TENM2: variants seen among roughly 807,000 people sequenced by gnomAD.
TENM2 encodes teneurin transmembrane protein 2, also known as teneurin-2.
TENM2 carries 52 observed loss-of-function variants against 245.2 expected under a neutral mutation model. The observed-to-expected ratio is 0.21, with a 90% CI of 0.17 to 0.27. TENM2 has a LOEUF of 0.27. TENM2 is among the 10% of genes least tolerant of loss of function. The pLI is 1.00. For synonymous variants in TENM2, 1,363 were observed against 1,438.9 expected, an observed-to-expected ratio of 0.95 and a Z score of 1.19; for missense variants, 3,046 against 3,666.8, an observed-to-expected ratio of 0.83 and a Z score of 4.37.
intron 1 of TENM2, among the ~76,000 whole-genome samples, chr5:167,344,309 C>CATATATAT (rs1298761207): frequency 3.2e-3 from 272 of 84,512 alleles, no homozygotes; most frequent in Non-Finnish European, 5.9e-3. Context: ...CACACACACA[C>CATATATAT]ATATATATAT....
chr5:167,193,789 TG>T, the TENM2 span, among the ~76,000 whole-genome samples: 3 of 152,034 alleles, frequency 2.0e-5, no homozygotes, highest in African/African-American at 7.2e-5. Flanking sequence ...TACCATTTAT[TG>T]AGTGCTTACT....
the TENM2 span, among the ~76,000 whole-genome samples, chr5:167,275,719 C>G: frequency 6.6e-6 from 1 of 152,112 alleles, no homozygotes; most frequent in Non-Finnish European, 1.5e-5. Context: ...CCTATGACTT[C>G]GAGGAACTTG....
At chr5:167,170,022 C>T in the TENM2 span, among the ~76,000 whole-genome samples, 1 of 152,192 alleles carries the variant, frequency 6.6e-6, no homozygotes, top group Non-Finnish European at 1.5e-5. Flanking sequence ...CTGATACCTC[C>T]TTCAGTACCT....
the TENM2 span, among the ~76,000 whole-genome samples, chr5:167,077,832 A>T: frequency 6.6e-6 from 1 of 152,150 alleles, no homozygotes; most frequent in African/African-American, 2.4e-5. Context: ...CTGAGCGGGA[A>T]TCTCTTTGAA....
At chr5:167,558,881 G>GAA (rs112300996) in intron 2 of TENM2, among the ~76,000 whole-genome samples, 6 of 128,276 alleles carry the variant, frequency 4.7e-5, no homozygotes, top group Non-Finnish European at 6.7e-5. Flanking sequence ...TGGTCCAAGG[G>GAA]AAAAAAAAAA....
At chr5:167,406,331 T>C (rs181231213) in intron 2 of TENM2, among the ~76,000 whole-genome samples, 2 of 152,314 alleles carry the variant, frequency 1.3e-5, no homozygotes, top group Admixed American at 1.3e-4. Flanking sequence ...GGAAATTGTA[T>C]TATTCTCCAC....
chr5:167,574,234 A>G (rs1774485159), intron 2 of TENM2, among the ~76,000 whole-genome samples: 1 of 152,350 alleles, frequency 6.6e-6, no homozygotes, highest in East Asian at 1.9e-4. Flanking sequence ...ATGCATTTAT[A>G]CTGAATGATT....
chr5:167,006,196 T>C, the TENM2 span, among the ~76,000 whole-genome samples: 4 of 152,122 alleles, frequency 2.6e-5, no homozygotes, highest in African/African-American at 9.7e-5. Flanking sequence ...ACCAGATATA[T>C]ACACTTAATG....
intron 7 of TENM2, among the ~76,000 whole-genome samples, chr5:168,087,113 C>A (rs1161598109): frequency 6.6e-6 from 1 of 152,176 alleles, no homozygotes; most frequent in African/African-American, 2.4e-5. Context: ...CTGTGTGATG[C>A]TGCTTGACAC....
the TENM2 span, among the ~76,000 whole-genome samples, chr5:167,217,917 A>G: frequency 6.6e-6 from 1 of 151,752 alleles, no homozygotes; most frequent in Non-Finnish European, 1.5e-5. Flanking sequence ...GTGATGCACA[A>G]TGCTATTGCA....
chr5:167,846,635 T>G (rs1429391944), intron 2 of TENM2, among the ~76,000 whole-genome samples: 2 of 152,124 alleles, frequency 1.3e-5, no homozygotes, highest in Non-Finnish European at 2.9e-5. Flanking sequence ...CATTAAAAAT[T>G]TAAATGCTAG....
chr5:167,261,607 G>A, the TENM2 span, among the ~76,000 whole-genome samples: 1 of 152,116 alleles, frequency 6.6e-6, no homozygotes, highest in East Asian at 1.9e-4. Context: ...TTCCTGGGTG[G>A]AAGGTTAAGG....
chr5:167,658,538 C>T (rs1417300033), intron 2 of TENM2, among the ~76,000 whole-genome samples: 1 of 152,080 alleles, frequency 6.6e-6, no homozygotes, highest in African/African-American at 2.4e-5. Context: ...GACTTAATCA[C>T]CTCCTAAAGG....
At chr5:168,085,961 G>A (rs1792418248) in intron 7 of TENM2, among the ~76,000 whole-genome samples, 3 of 152,186 alleles carry the variant, frequency 2.0e-5, no homozygotes, top group East Asian at 1.9e-4. Flanking sequence ...AGGCTTCCCC[G>A]GGAAATGTCA....
intron 2 of TENM2, among the ~76,000 whole-genome samples, chr5:167,721,827 C>T (rs1334494080): frequency 1.3e-5 from 2 of 152,220 alleles, no homozygotes; most frequent in Non-Finnish European, 2.9e-5. Context: ...GCCCACCGTG[C>T]TTTATTTCCT....
the TENM2 span, among the ~76,000 whole-genome samples, chr5:167,117,201 A>G: frequency 6.6e-6 from 1 of 152,178 alleles, no homozygotes; most frequent in Non-Finnish European, 1.5e-5. Context: ...CTTTCCTCAT[A>G]GGGGTTAAGA....
the TENM2 span, among the ~76,000 whole-genome samples, chr5:167,235,089 A>G: frequency 2.0e-5 from 3 of 152,198 alleles, no homozygotes; most frequent in Admixed American, 6.5e-5. Flanking sequence ...GTCCAAGATT[A>G]TGGTGTCAGC....
intron 12 of TENM2, among the ~76,000 whole-genome samples, chr5:168,137,722 G>A (rs1316593338): frequency 6.6e-6 from 1 of 152,244 alleles, no homozygotes. Flanking sequence ...GGCAGTGTGA[G>A]AAACTAGCTT....
chr5:168,030,762 G>A (rs1177439493), intron 5 of TENM2, among the ~76,000 whole-genome samples: 1 of 152,142 alleles, frequency 6.6e-6, no homozygotes, highest in African/African-American at 2.4e-5. Flanking sequence ...GGCTAATCAT[G>A]TAAATACCCT....
Sources: allele counts gnomAD v4.1 joint callset (sites outside exome capture counted in the v4.1 genomes callset), GRCh38; gene constraint gnomAD v4.1.1; transcripts MANE v1.5; gene names NCBI Gene and HGNC (gene_info 2026-07-23, HGNC 2026-07-21).